KIAA0825: variants seen among roughly 807,000 people sequenced by gnomAD.
The protein encoded by KIAA0825 is uncharacterized protein KIAA0825.
In KIAA0825, 119 loss-of-function variants were observed where a neutral mutation model predicts 147.6. The ratio of observed to expected loss-of-function variants is 0.81; its 90% CI spans 0.69 to 0.94. The LOEUF is 0.94. Among genes scored for constraint, KIAA0825 ranks in the 40% least tolerant of loss-of-function variants. The pLI is 0.00. For synonymous variants in KIAA0825, 470 were observed against 518.1 expected (o/e 0.91, Z 1.26); for missense variants, 1,381 against 1,472.7 (o/e 0.94, Z 1.02).
At chr5:94,606,555 G>A (rs1013883481) in intron 1 of KIAA0825, among the ~76,000 whole-genome samples, 41 of 152,036 alleles carry the variant, frequency 2.7e-4, no homozygotes, top group African/African-American at 9.9e-4. Context: ...TACAAAAACA[G>A]GCACACAGAC....
intron 14 of KIAA0825, among the ~76,000 whole-genome samples, chr5:94,427,337 C>T (rs1755024049): frequency 6.6e-6 from 1 of 151,944 alleles, no homozygotes; most frequent in South Asian, 2.1e-4. Context: ...AGTTCAAGAC[C>T]AGCCTGGGCA....
intron 20 of KIAA0825, among the ~76,000 whole-genome samples, chr5:94,364,429 T>C (rs1017746030): frequency 2.6e-5 from 4 of 151,978 alleles, no homozygotes; most frequent in African/African-American, 9.7e-5. Context: ...TCGCCCAGGC[T>C]GGAGTGCAGT....
intron 12 of KIAA0825, among the ~76,000 whole-genome samples, chr5:94,460,334 C>A (rs1759657062): frequency 6.6e-6 from 1 of 152,020 alleles, no homozygotes; most frequent in African/African-American, 2.4e-5. Context: ...TAAAGGCGAG[C>A]TAAAAAAGAA....
At chr5:94,375,817 A>G (rs1392099783) in intron 20 of KIAA0825, among the ~76,000 whole-genome samples, 1 of 152,218 alleles carries the variant, frequency 6.6e-6, no homozygotes, top group Admixed American at 6.5e-5. Context: ...GCAGAGTAGC[A>G]CTAAGGAGTC....
At chr5:94,529,461 A>G (rs1490502595) in intron 3 of KIAA0825, among the ~76,000 whole-genome samples, 1 of 149,162 alleles carries the variant, frequency 6.7e-6, no homozygotes, top group Admixed American at 6.7e-5. Flanking sequence ...TAGTGTATAT[A>G]TATATTGTGT....
chr5:94,159,735 T>G (rs1767372932), intron 20 of KIAA0825, among the ~76,000 whole-genome samples: 1 of 152,158 alleles, frequency 6.6e-6, no homozygotes, highest in Non-Finnish European at 1.5e-5. Context: ...TATAATCACT[T>G]TGCTGTATTT....
At chr5:94,297,004 T>C (rs1354463745) in intron 20 of KIAA0825, among the ~76,000 whole-genome samples, 2 of 152,234 alleles carry the variant, frequency 1.3e-5, no homozygotes, top group African/African-American at 4.8e-5. Context: ...CAACTGCTAT[T>C]GTGGTTTTAG....
chr5:94,223,846 C>A (rs1773891625), intron 20 of KIAA0825, among the ~76,000 whole-genome samples: 1 of 151,876 alleles, frequency 6.6e-6, no homozygotes, highest in African/African-American at 2.4e-5. Context: ...ATTTAACATG[C>A]CTTAGTTAAA....
rs1766640978 is a variant in KIAA0825, at chr5:94,152,853, A to ATT, written c.*1153_*1154insAA. The ATT allele has an allele frequency of 3.3e-4, 4 of 12,046 alleles. No individual in the cohort carries two copies. Among genetic ancestry groups the ATT allele is most frequent in the Non-Finnish European group, 5.1e-4 (3 of 5,894 alleles). 0.7% of individuals were successfully genotyped at this position (12,046 alleles called of 1,614,324 possible). On this transcript the variant is annotated 3_prime_UTR_variant, in exon 21 of 21. Coordinates refer to ENST00000682413, the MANE Select transcript of KIAA0825 (RefSeq NM_001145678.3). ...AAAAAAAAAAAAAAAAAAAAAAAAA[A>ATT]AATTATATATATATATATATATATA...
At chr5:94,482,663 T>G (rs1762618522) in intron 6 of KIAA0825, among the ~76,000 whole-genome samples, 1 of 152,082 alleles carries the variant, frequency 6.6e-6, no homozygotes, top group South Asian at 2.1e-4. Context: ...ATAAAACATT[T>G]AAGATTTTTC....
intron 20 of KIAA0825, among the ~76,000 whole-genome samples, chr5:94,371,719 C>G (rs915918308): frequency 4.7e-4 from 72 of 152,276 alleles, no homozygotes; most frequent in Admixed American, 3.5e-3. Flanking sequence ...GGAATGGGCA[C>G]ACAGCCAAAC....
intron 1 of KIAA0825, among the ~76,000 whole-genome samples, chr5:94,596,463 T>C (rs571481563): frequency 7.2e-5 from 11 of 152,324 alleles, no homozygotes; most frequent in African/African-American, 2.2e-4. Flanking sequence ...TAGTGTAACA[T>C]GATGTTTTGG....
chr5:94,502,227 A>C (rs1765181710), intron 5 of KIAA0825, among the ~76,000 whole-genome samples: 1 of 152,292 alleles, frequency 6.6e-6, no homozygotes, highest in South Asian at 2.1e-4. Flanking sequence ...TGAATTTAAT[A>C]TGTTTATATA....
chr5:94,271,135 G>A (rs960273588), intron 20 of KIAA0825, among the ~76,000 whole-genome samples: 1 of 151,962 alleles, frequency 6.6e-6, no homozygotes, highest in Non-Finnish European at 1.5e-5. Context: ...CATCAAAATG[G>A]ACTAAAGACT....
chr5:94,152,077 C>T lies in KIAA0825; in HGVS notation c.*1930G>A, dbSNP rs1183270688. Among the ~76,000 whole-genome samples, 8 of 152,124 alleles carry T rather than the reference C, an allele frequency of 5.3e-5. No individual in the cohort carries two copies. Among genetic ancestry groups the T allele is most frequent in the Admixed American group, 5.2e-4 (8 of 15,278 alleles). ...TTACTTCAACCAAATCTTAAAAACA[C>T]TTGGTTTATGATTATACTGGCCAAC... is the stretch of plus-strand genomic sequence containing the variant. On this transcript the variant is annotated 3_prime_UTR_variant, in exon 21 of 21. Coordinates refer to ENST00000682413, the MANE Select transcript of KIAA0825 (RefSeq NM_001145678.3).
intron 20 of KIAA0825, among the ~76,000 whole-genome samples, chr5:94,246,085 C>T (rs1387310121): frequency 6.6e-6 from 1 of 152,060 alleles, no homozygotes; most frequent in Non-Finnish European, 1.5e-5. Context: ...GAGATTTTCT[C>T]CCATATAGAT....
intron 2 of KIAA0825, among the ~76,000 whole-genome samples, chr5:94,578,950 G>C (rs536998576): frequency 1.1e-4 from 16 of 152,142 alleles, no homozygotes; most frequent in Admixed American, 9.2e-4. Flanking sequence ...GACAGAGTCA[G>C]ACTCTGTCAC....
rs1251132717 is a variant in KIAA0825, at chr5:94,205,298, TA to T, written c.3711-51175del. ...ATATATATATATATATATATATATATATTTTGTTTTGTTTTGTTTTTGAGAC... is the reference window on the plus strand; with the variant it reads ...ATATATATATATATATATATATATATTTTTGTTTTGTTTTGTTTTTGAGAC... On this transcript the variant is annotated intron_variant, in intron 20 of 20. Coordinates refer to ENST00000682413, the MANE Select transcript of KIAA0825 (RefSeq NM_001145678.3). Among the ~76,000 whole-genome samples, 75 of 143,788 alleles carry T rather than the reference TA, an allele frequency of 5.2e-4. 1 individual carries two copies. The highest frequency in any genetic ancestry group is 1.6e-3 in the African/African-American group (61 of 39,166). The allele number at this position is 143,788 out of a possible 152,430, so 94.3% of individuals were successfully genotyped here.
intron 20 of KIAA0825, among the ~76,000 whole-genome samples, chr5:94,371,040 A>G (rs1746629847): frequency 6.6e-6 from 1 of 152,198 alleles, no homozygotes; most frequent in Admixed American, 6.5e-5. Context: ...TGTGTGATTC[A>G]GGAGCTGGTG....
Sources: allele counts gnomAD v4.1 joint callset (sites outside exome capture counted in the v4.1 genomes callset), GRCh38; gene constraint gnomAD v4.1.1; transcripts MANE v1.5; gene names NCBI Gene and HGNC (gene_info 2026-07-23, HGNC 2026-07-21).